DACH1: variants seen among roughly 807,000 people sequenced by gnomAD.
DACH1 encodes the protein dachshund homolog 1.
A neutral mutation model predicts 54.2 loss-of-function variants in DACH1; 12 were observed. That is an observed-to-expected ratio of 0.22 (90% CI 0.14 to 0.36). The LOEUF (loss-of-function observed/expected upper bound fraction) is 0.36, where lower values mean the gene tolerates loss of function less well. DACH1 is among the 10% of genes least tolerant of loss of function. The pLI, the probability that DACH1 is intolerant of heterozygous loss-of-function variation, is 1.00. For synonymous variants in DACH1, 386 were observed against 366.2 expected, an observed-to-expected ratio of 1.05 and a Z score of -0.62; for missense variants, 805 against 929.8, an observed-to-expected ratio of 0.87 and a Z score of 1.75.
chr13:71,813,127 G>T (rs1887782951), intron 1 of DACH1, among the ~76,000 whole-genome samples: 1 of 152,066 alleles, frequency 6.6e-6, no homozygotes, highest in Non-Finnish European at 1.5e-5. Flanking sequence ...AATATTAACT[G>T]AGTACCTACT....
At chr13:71,731,855 C>T (rs1172750233) in intron 1 of DACH1, among the ~76,000 whole-genome samples, 1 of 152,186 alleles carries the variant, frequency 6.6e-6, no homozygotes, top group African/African-American at 2.4e-5. Context: ...AATGGAATAA[C>T]TAGTTTTATA....
intron 1 of DACH1, among the ~76,000 whole-genome samples, chr13:71,723,692 G>C (rs1466704557): frequency 6.6e-6 from 1 of 151,878 alleles, no homozygotes; most frequent in Admixed American, 6.6e-5. Flanking sequence ...TTTTTGTTTT[G>C]TTTTGTTTTG....
At chr13:71,590,581 A>G (rs1438668165) in intron 3 of DACH1, among the ~76,000 whole-genome samples, 1 of 152,142 alleles carries the variant, frequency 6.6e-6, no homozygotes, top group Non-Finnish European at 1.5e-5. Flanking sequence ...GGAATTAGCC[A>G]TAGACTAGAA....
In DACH1 at chr13:71,657,576, T is replaced by A. The variant is rs368941508; in HGVS notation, c.964+24219A>T. Reference sequence around the variant, plus strand: ...TGACAGATTGAGACCCTGTCTCAAATAAAAAAAAAAAAAAAAGGTTTCTTT... The same window carrying A: ...TGACAGATTGAGACCCTGTCTCAAAAAAAAAAAAAAAAAAAAGGTTTCTTT... On this transcript the variant is annotated intron_variant, in intron 2 of 10. Coordinates refer to ENST00000613252, the MANE Select transcript of DACH1 (RefSeq NM_080759.6). Among the ~76,000 whole-genome samples, 235 of 142,230 alleles carry A rather than the reference T, an allele frequency of 1.7e-3. 2 individuals are homozygous for A. The highest frequency in any genetic ancestry group is 2.4e-3 in the Non-Finnish European group (155 of 65,774). The allele number at this position is 142,230 out of a possible 152,430, so 93.3% of individuals were successfully genotyped here. A position where few individuals can be genotyped will look rare whatever the true frequency, so the allele number is the denominator to read the frequency against.
At chr13:71,601,300 T>A (rs1157748548) in intron 3 of DACH1, among the ~76,000 whole-genome samples, 2 of 152,060 alleles carry the variant, frequency 1.3e-5, no homozygotes, top group Non-Finnish European at 2.9e-5. Flanking sequence ...TTAATATATT[T>A]AAACTTGCTA....
At chr13:71,749,282 C>A (rs1884816090) in intron 1 of DACH1, among the ~76,000 whole-genome samples, 1 of 151,920 alleles carries the variant, frequency 6.6e-6, no homozygotes, top group African/African-American at 2.4e-5. Context: ...TTTGCCTGGC[C>A]CTATTTTCTA....
intron 1 of DACH1, among the ~76,000 whole-genome samples, chr13:71,723,095 A>C (rs1435094788): frequency 6.6e-6 from 1 of 152,052 alleles, no homozygotes. Flanking sequence ...TCCTAAATAA[A>C]ATAAAACCTA....
At chr13:71,552,461 A>G (rs1593879496) in intron 6 of DACH1, among the ~76,000 whole-genome samples, 1 of 151,954 alleles carries the variant, frequency 6.6e-6, no homozygotes, top group East Asian at 1.9e-4. Flanking sequence ...GTACATATTG[A>G]GTTACAGGCA....
chr13:71,818,952 T>G (rs1014122651), intron 1 of DACH1, among the ~76,000 whole-genome samples: 4 of 152,212 alleles, frequency 2.6e-5, no homozygotes, highest in African/African-American at 4.8e-5. Flanking sequence ...AAGGTCTCTA[T>G]AGAGAACACA....
intron 1 of DACH1, among the ~76,000 whole-genome samples, chr13:71,785,245 C>T (rs557549968): frequency 4.6e-5 from 7 of 152,118 alleles, no homozygotes; most frequent in Non-Finnish European, 7.4e-5. Context: ...CTTTTTATTT[C>T]GCACTAATTA....
intron 3 of DACH1, among the ~76,000 whole-genome samples, chr13:71,583,672 C>T (rs1873010763): frequency 1.3e-5 from 2 of 151,984 alleles, no homozygotes; most frequent in Non-Finnish European, 1.5e-5. Context: ...GGGAAACCGT[C>T]TCTACAAAAA....
intron 10 of DACH1, 79 bp from the exon 11 acceptor site, chr13:71,440,771 A>T (rs1017367854): frequency 9.5e-6 from 11 of 1,161,626 alleles, no homozygotes; most frequent in South Asian, 2.8e-5. Context: ...ATGTAACTTG[A>T]TATAAAATTT....
At chr13:71,733,067 T>TA (rs969474755) in intron 1 of DACH1, among the ~76,000 whole-genome samples, 28 of 151,098 alleles carry the variant, frequency 1.9e-4, no homozygotes, top group African/African-American at 5.1e-4. Flanking sequence ...GCAAGGTCCT[T>TA]AAAAAAAAAT....
intron 1 of DACH1, among the ~76,000 whole-genome samples, chr13:71,713,206 C>T (rs1369838570): frequency 6.6e-6 from 1 of 151,846 alleles, no homozygotes; most frequent in African/African-American, 2.4e-5. Context: ...CAGGCTGGAA[C>T]CTGATACTAT....
chr13:71,760,018 T>G (rs544190236), intron 1 of DACH1, among the ~76,000 whole-genome samples: 1 of 152,336 alleles, frequency 6.6e-6, no homozygotes, highest in Admixed American at 6.5e-5. Flanking sequence ...TTCCATTGAC[T>G]CATTTGCATT....
intron 2 of DACH1, among the ~76,000 whole-genome samples, chr13:71,631,278 C>A (rs1877080175): frequency 6.6e-6 from 1 of 152,180 alleles, no homozygotes; most frequent in African/African-American, 2.4e-5. Flanking sequence ...CTTGACTTTT[C>A]ATCCTCCTGA....
intron 2 of DACH1, among the ~76,000 whole-genome samples, chr13:71,660,906 A>C (rs1044980618): frequency 1.3e-5 from 2 of 151,180 alleles, no homozygotes; most frequent in Non-Finnish European, 3.0e-5. Context: ...AATGACATCA[A>C]ATGTCCAATA....
intron 3 of DACH1, among the ~76,000 whole-genome samples, chr13:71,602,249 A>C (rs1874547889): frequency 6.6e-6 from 1 of 152,088 alleles, no homozygotes; most frequent in Non-Finnish European, 1.5e-5. Context: ...ACAGTTCTTA[A>C]AGTGTTTTCT....
chr13:71,819,327 G>A (rs1209981971), intron 1 of DACH1, among the ~76,000 whole-genome samples: 1 of 152,216 alleles, frequency 6.6e-6, no homozygotes, highest in Non-Finnish European at 1.5e-5. Context: ...TACAGGGTAA[G>A]GTAGGCCAAG....
Sources: gnomAD v4.1 joint callset for allele counts (sites outside exome capture counted in the v4.1 genomes callset) on GRCh38, gnomAD v4.1.1 for gene constraint, MANE v1.5 for transcripts, NCBI Gene and HGNC (gene_info 2026-07-23, HGNC 2026-07-21) for gene names.